Variants in EYS observed in about 807,000 individuals in gnomAD.
EYS encodes the protein protein eyes shut homolog.
EYS carries 250 observed loss-of-function variants against 282.1 expected under a neutral mutation model. The observed-to-expected ratio is 0.89, with a 90% CI of 0.80 to 0.98. The LOEUF is 0.98. Ranked by LOEUF, EYS falls within the 50% of genes least tolerant of loss-of-function variation. The pLI, the probability that EYS is intolerant of heterozygous loss-of-function variation, is 0.00. For missense variants in EYS, 4,016 were observed against 3,709.0 expected (o/e 1.08, Z -2.15); for synonymous variants, 1,355 against 1,282.9 (o/e 1.06, Z -1.20).
At chr6:64,881,471 T>C (rs2150060139) in intron 19 of EYS, among the ~76,000 whole-genome samples, 1 of 152,052 alleles carries the variant, frequency 6.6e-6, no homozygotes, top group South Asian at 2.1e-4. Context: ...CTTATCTGGA[T>C]GAATATATTC....
intron 11 of EYS, chr6:65,330,644 T>G (rs1022439562): frequency 2.1e-6 from 2 of 934,302 alleles, no homozygotes; most frequent in Non-Finnish European, 2.6e-6. Flanking sequence ...TATACGCTAT[T>G]CATTAACTTT....
At chr6:64,922,700 A>G (rs1246445140) in intron 15 of EYS, among the ~76,000 whole-genome samples, 6 of 152,142 alleles carry the variant, frequency 3.9e-5, no homozygotes, top group Non-Finnish European at 7.3e-5. Context: ...CTAGTCTGCC[A>G]TCTTGACCCA....
chr6:63,962,523 T>C (rs1766114611), intron 35 of EYS, among the ~76,000 whole-genome samples: 1 of 152,192 alleles, frequency 6.6e-6, no homozygotes, highest in Non-Finnish European at 1.5e-5. Flanking sequence ...TCATCATCAC[T>C]GGCCATCGGA....
intron 26 of EYS, among the ~76,000 whole-genome samples, chr6:64,540,904 A>T (rs1321574554): frequency 6.6e-6 from 1 of 152,202 alleles, no homozygotes; most frequent in African/African-American, 2.4e-5. Context: ...AAGAGAATTA[A>T]CAGGAAAGCA....
rs552681549 is a variant in EYS at position 64,463,032 on chromosome 6, C to T, written c.5645-23680G>A. 8.3e-5 allele frequency among the ~76,000 whole-genome samples: 12 copies of T among 144,630 alleles called. No homozygotes were observed. In the East Asian group the frequency reaches 1.7e-3, roughly 20 times the overall value. 94.9% of individuals were successfully genotyped at this position (144,630 alleles called of 152,430 possible). ...GAGATCTCGGGCTCACTGCAAGCTT[C>T]GCCTCCCAGGTTCACGCCATTCTCC... On this transcript the variant is annotated intron_variant, in intron 26 of 42. Coordinates refer to ENST00000503581, the MANE Select transcript of EYS (RefSeq NM_001142800.2).
chr6:65,070,277 G>A (rs1041388491), intron 12 of EYS, among the ~76,000 whole-genome samples: 5 of 151,756 alleles, frequency 3.3e-5, no homozygotes. Context: ...ATGACATTTG[G>A]CAGTGTAAAA....
intron 22 of EYS, among the ~76,000 whole-genome samples, chr6:64,692,321 C>A (rs1374513407): frequency 6.6e-6 from 1 of 152,086 alleles, no homozygotes; most frequent in African/African-American, 2.4e-5. Context: ...TGTTCATGTC[C>A]TTTGCCCATT....
At chr6:63,869,561 G>A (rs1772751478) in intron 35 of EYS, among the ~76,000 whole-genome samples, 1 of 152,114 alleles carries the variant, frequency 6.6e-6, no homozygotes, top group African/African-American at 2.4e-5. Context: ...GCTTCCAAGG[G>A]AGCAGACTTG....
intron 31 of EYS, among the ~76,000 whole-genome samples, chr6:64,212,821 G>A (rs1016873861): frequency 6.6e-6 from 1 of 152,104 alleles, no homozygotes; most frequent in Non-Finnish European, 1.5e-5. Flanking sequence ...TATGTTCATT[G>A]CAACACTATT....
intron 5 of EYS, among the ~76,000 whole-genome samples, chr6:65,428,190 T>C (rs1767736353): frequency 6.6e-6 from 1 of 152,124 alleles, no homozygotes; most frequent in African/African-American, 2.4e-5. Flanking sequence ...TATGCTTATG[T>C]TCATTATTTT....
intron 2 of EYS, among the ~76,000 whole-genome samples, chr6:65,533,578 G>A (rs1767861389): frequency 6.6e-6 from 1 of 152,042 alleles, no homozygotes; most frequent in African/African-American, 2.4e-5. Context: ...CCCTAATGTG[G>A]TGGTACTGAG....
chr6:65,047,673 G>A (rs1207963158), intron 13 of EYS, among the ~76,000 whole-genome samples: 3 of 151,866 alleles, frequency 2.0e-5, no homozygotes, highest in African/African-American at 4.8e-5. Context: ...GCACACATTA[G>A]GATTACTAAG....
chr6:64,917,680 A>G (rs539713556), intron 15 of EYS, among the ~76,000 whole-genome samples: 1 of 152,168 alleles, frequency 6.6e-6, no homozygotes, highest in Non-Finnish European at 1.5e-5. Flanking sequence ...ATTTTTTAAG[A>G]GAGATTTTAA....
intron 2 of EYS, among the ~76,000 whole-genome samples, chr6:65,616,933 T>C (rs930886041): frequency 2.0e-5 from 3 of 152,222 alleles, no homozygotes; most frequent in Non-Finnish European, 4.4e-5. Flanking sequence ...AATGTTATTA[T>C]TTCCCTGGCT....
At chr6:64,064,261 C>A (rs1562181497) in intron 33 of EYS, among the ~76,000 whole-genome samples, 2 of 151,840 alleles carry the variant, frequency 1.3e-5, no homozygotes, top group Non-Finnish European at 2.9e-5. Context: ...CCATTGAATT[C>A]TAGTAGCTTA....
At chr6:65,620,272 T>A (rs1291801838) in intron 2 of EYS, among the ~76,000 whole-genome samples, 1 of 152,152 alleles carries the variant, frequency 6.6e-6, no homozygotes, top group Non-Finnish European at 1.5e-5. Context: ...TTCTTCCTGG[T>A]TTAGTCTTGG....
chr6:63,783,166 A>G (rs1280162524), intron 39 of EYS, among the ~76,000 whole-genome samples: 3 of 152,206 alleles, frequency 2.0e-5, no homozygotes, highest in Non-Finnish European at 2.9e-5. Context: ...AATCTATCTC[A>G]TGTCCACTCT....
intron 2 of EYS, among the ~76,000 whole-genome samples, chr6:65,623,094 A>T (rs1308858521): frequency 6.6e-6 from 1 of 152,156 alleles, no homozygotes; most frequent in Non-Finnish European, 1.5e-5. Flanking sequence ...AGATATGGCC[A>T]GGCAAACAGT....
intron 22 of EYS, among the ~76,000 whole-genome samples, chr6:64,768,551 T>A (rs892298999): frequency 6.6e-6 from 1 of 152,242 alleles, no homozygotes; most frequent in Non-Finnish European, 1.5e-5. Flanking sequence ...GGTCACCCTA[T>A]GAAAGGATGA....
Sources: allele counts gnomAD v4.1 joint callset (sites outside exome capture counted in the v4.1 genomes callset), GRCh38; gene constraint gnomAD v4.1.1; transcripts MANE v1.5; gene names NCBI Gene and HGNC (gene_info 2026-07-23, HGNC 2026-07-21).